Variants in DCDC2 observed in about 807,000 individuals in gnomAD.
DCDC2 encodes the protein doublecortin domain containing 2.
In DCDC2, 40 loss-of-function variants were observed where a neutral mutation model predicts 50.2. That is an observed-to-expected ratio of 0.80 (90% confidence interval 0.62 to 1.04). The LOEUF (loss-of-function observed/expected upper bound fraction) is 1.04, where lower values mean the gene tolerates loss of function less well. Ranked by LOEUF, DCDC2 falls within the 50% of genes least tolerant of loss-of-function variation. The pLI is 0.00. For synonymous variants in DCDC2, 234 were observed against 210.6 expected (o/e 1.11, Z -0.96); for missense variants, 570 against 581.9 (o/e 0.98, Z 0.21).
chr6:24,273,051 A>C (rs534335546), intron 7 of DCDC2, among the ~76,000 whole-genome samples: 2 of 94,984 alleles, frequency 2.1e-5, no homozygotes, highest in African/African-American at 6.8e-5. Flanking sequence ...GTATGTGTAT[A>C]TAGATGTAGA....
intron 7 of DCDC2, among the ~76,000 whole-genome samples, chr6:24,210,161 C>G (rs183120336): frequency 7.9e-4 from 120 of 152,026 alleles, no homozygotes; most frequent in African/African-American, 2.8e-3. Context: ...CTCTGTTCAA[C>G]TTCTAAATAT....
Position 24,225,702 on chromosome 6 carries a change from T to TCACA in DCDC2, c.923-20604_923-20601dup, listed in dbSNP as rs542318921. Among the ~76,000 whole-genome samples the TCACA allele has an allele frequency of 8.5e-3, 1,286 of 151,902 alleles. 6 individuals carry two copies. The highest frequency in any genetic ancestry group is 0.014 in the Admixed American group (208 of 15,268). On this transcript the variant is annotated intron_variant, in intron 7 of 9. Coordinates refer to ENST00000378454, the MANE Select transcript of DCDC2 (RefSeq NM_016356.5). The stretch of plus-strand genomic sequence containing the variant: ...CATTAAAACAACTCTTAGAAAGTTT[T>TCACA]CACACACACACAGACACACACAAAT...
intron 7 of DCDC2, among the ~76,000 whole-genome samples, chr6:24,261,754 G>A (rs59975176): frequency 0.093 from 14,066 of 152,048 alleles, 816 homozygotes; most frequent in East Asian, 0.17. Flanking sequence ...TTCTCAGCTC[G>A]TCATCTACTA....
At chr6:24,352,291 A>G (rs2127254809) in intron 2 of DCDC2, among the ~76,000 whole-genome samples, 1 of 152,294 alleles carries the variant, frequency 6.6e-6, no homozygotes, top group Middle Eastern at 3.4e-3. Context: ...AATTTCATGC[A>G]AGGTAGTATA....
At chr6:24,208,734 T>C (rs979443658) in intron 7 of DCDC2, among the ~76,000 whole-genome samples, 1 of 152,220 alleles carries the variant, frequency 6.6e-6, no homozygotes, top group African/African-American at 2.4e-5. Context: ...TTTAATCAAT[T>C]TCTTTTACCA....
chr6:24,204,142 T>C lies in DCDC2; in HGVS notation c.1023+860A>G, dbSNP rs557803373. Among the ~76,000 whole-genome samples the C allele has an allele frequency of 8.7e-4, 132 of 152,300 alleles. 1 individual carries two copies. The Middle Eastern group carries it at 0.01, about 12-fold the overall frequency. On this transcript the variant is annotated intron_variant, in intron 8 of 9. Transcript: ENST00000378454. ...CCCAGCAATCTCATTACTGGGTATA[T>C]ACCTGAAGGATAGTAAACCAATCTA...
In DCDC2 at chr6:24,291,078, C is replaced by A. The variant is rs748032288; in HGVS notation, c.558G>T (p.Arg186Ser). 4.3e-5 allele frequency: 69 copies of A among 1,608,150 alleles called. No homozygotes were observed. Among genetic ancestry groups the A allele is most frequent in the Non-Finnish European group, 5.7e-5 (67 of 1,178,484 alleles). The change falls in exon 5 of 10, where the codon AGG (arginine) becomes AGT (serine). Residue 186 changes from arginine to serine, a missense_variant and splice_region_variant. Arg to Ser is a moderately radical substitution (Grantham distance 110). Transcript: ENST00000378454. ...CAAGTTTTCCTTCTAAAGTATAAAGCCTGTCGAAAATATGAACACCAACAA... is the reference window on the plus strand; with the variant it reads ...CAAGTTTTCCTTCTAAAGTATAAAGACTGTCGAAAATATGAACACCAACAA... ...KITLRSGAVH[R>S]LYTLEGKLVE...
chr6:24,379,691 T>G, the DCDC2 span, among the ~76,000 whole-genome samples: 1 of 152,202 alleles, frequency 6.6e-6, no homozygotes, highest in East Asian at 1.9e-4. Flanking sequence ...CATTACTGGG[T>G]ATATACCCAA....
At chr6:24,259,236 GA>G (rs1316561143) in intron 7 of DCDC2, among the ~76,000 whole-genome samples, 5 of 152,192 alleles carry the variant, frequency 3.3e-5, no homozygotes, top group Admixed American at 3.3e-4. Flanking sequence ...CAAGTAGTCA[GA>G]AATATGGGCC....
chr6:24,225,165 C>A (rs113378651), intron 7 of DCDC2, among the ~76,000 whole-genome samples: 1,621 of 152,096 alleles, frequency 0.011, 16 homozygotes, highest in East Asian at 0.025. Context: ...AGGTCTAAGT[C>A]CCAGAAAAAA....
At chr6:24,190,619 C>A (rs1761293623) in intron 8 of DCDC2, among the ~76,000 whole-genome samples, 1 of 152,132 alleles carries the variant, frequency 6.6e-6, no homozygotes, top group Non-Finnish European at 1.5e-5. Flanking sequence ...TATCAGAAAT[C>A]CCTGATGGCT....
At chr6:24,362,370 GTATGTTT>G, upstream of DCDC2, among the ~76,000 whole-genome samples, 4 of 135,240 alleles carry the variant, frequency 3.0e-5, no homozygotes, top group Admixed American at 7.4e-5. Context: ...TTATTTAATT[GTATGTTT>G]ATACAATTAT....
intron 6 of DCDC2, among the ~76,000 whole-genome samples, chr6:24,285,691 A>G (rs573758611): frequency 8.8e-4 from 134 of 152,012 alleles, no homozygotes; most frequent in Non-Finnish European, 1.7e-3. Context: ...GTGTACCTAC[A>G]CATGCATTTT....
At chr6:24,206,586 G>A (rs1360445136) in intron 7 of DCDC2, among the ~76,000 whole-genome samples, 1 of 152,120 alleles carries the variant, frequency 6.6e-6, no homozygotes, top group Non-Finnish European at 1.5e-5. Context: ...AGACTACAAA[G>A]GCAGGCCTAT....
rs531296703 is a variant in DCDC2 at position 24,215,274 on chromosome 6, T to G, written c.923-10172A>C. Among the ~76,000 whole-genome samples, 5 of 152,314 alleles carry G rather than the reference T, an allele frequency of 3.3e-5. No individual in the cohort carries two copies. The South Asian group carries it at 8.3e-4, about 25-fold the overall frequency. ...GCATTGCAGGTTGTATTCCAAGAAC[T>G]GCAGGCAGATCCGTGTGGCTGCAGC... On this transcript the variant is annotated intron_variant, in intron 7 of 9. Coordinates refer to ENST00000378454, the MANE Select transcript of DCDC2 (RefSeq NM_016356.5).
At chr6:24,381,236 T>A in the DCDC2 span, among the ~76,000 whole-genome samples, 1 of 152,344 alleles carries the variant, frequency 6.6e-6, no homozygotes, top group East Asian at 1.9e-4. Flanking sequence ...CATTTGTATG[T>A]GTGGTGAGAA....
chr6:24,220,809 G>C (rs545417880), intron 7 of DCDC2, among the ~76,000 whole-genome samples: 58 of 77,142 alleles, frequency 7.5e-4, no homozygotes, highest in Non-Finnish European at 9.6e-4. Context: ...TTACAATCAC[G>C]GCAGAAAGCG....
At chr6:24,219,860 G>A (rs1762060597) in intron 7 of DCDC2, among the ~76,000 whole-genome samples, 1 of 152,226 alleles carries the variant, frequency 6.6e-6, no homozygotes, top group South Asian at 2.1e-4. Flanking sequence ...ATCTGAACAA[G>A]GGGTGAAGGA....
chr6:24,291,170 T>A (rs1363066574), intron 4 of DCDC2, 92 bp from the exon 5 acceptor site: 7 of 1,239,254 alleles, frequency 5.6e-6, no homozygotes, highest in Non-Finnish European at 8.0e-6. Flanking sequence ...TCAAAAAAAT[T>A]AAAATTACAT....
Sources: allele counts gnomAD v4.1 joint callset (sites outside exome capture counted in the v4.1 genomes callset), GRCh38; gene constraint gnomAD v4.1.1; transcripts MANE v1.5; gene names NCBI Gene and HGNC (gene_info 2026-07-23, HGNC 2026-07-21).